Variants in TMTC2 observed in about 807,000 individuals in gnomAD.
The protein encoded by TMTC2 is protein O-mannosyl-transferase TMTC2.
TMTC2 carries 43 observed loss-of-function variants against 82.4 expected under a neutral mutation model. That is an observed-to-expected ratio of 0.52 (90% CI 0.41 to 0.67). TMTC2 has a LOEUF of 0.67. Ranked by LOEUF, TMTC2 falls within the 30% of genes least tolerant of loss-of-function variation. The pLI is 0.00. For missense variants in TMTC2, 919 were observed against 1,012.4 expected (o/e 0.91, Z 1.25); for synonymous variants, 408 against 381.9 (o/e 1.07, Z -0.80).
chr12:82,968,331 C>T (rs903550700), intron 7 of TMTC2, among the ~76,000 whole-genome samples: 2 of 152,074 alleles, frequency 1.3e-5, no homozygotes, highest in Non-Finnish European at 2.9e-5. Context: ...TATTATTCAG[C>T]ATTTCACCAT....
chr12:82,717,959 T>G (rs1226587432), intron 1 of TMTC2, among the ~76,000 whole-genome samples: 2 of 152,210 alleles, frequency 1.3e-5, no homozygotes, highest in Non-Finnish European at 2.9e-5. Context: ...ACAGTGGTCT[T>G]ATATCCATGA....
At chr12:82,942,719 G>A (rs1459081896) in intron 4 of TMTC2, among the ~76,000 whole-genome samples, 1 of 152,126 alleles carries the variant, frequency 6.6e-6, no homozygotes, top group Non-Finnish European at 1.5e-5. Context: ...CAAGATGCCA[G>A]ACATGGATTA....
chr12:82,864,396 C>G (rs907192593), intron 2 of TMTC2, among the ~76,000 whole-genome samples: 1 of 151,712 alleles, frequency 6.6e-6, no homozygotes, highest in Non-Finnish European at 1.5e-5. Flanking sequence ...CCATCTGTCT[C>G]CTAAATCTGA....
At chr12:82,828,139 C>T (rs974475133) in intron 1 of TMTC2, among the ~76,000 whole-genome samples, 3 of 151,592 alleles carry the variant, frequency 2.0e-5, no homozygotes, top group Non-Finnish European at 4.4e-5. Context: ...GTGATCCACC[C>T]GCCTTGGCCT....
chr12:83,019,239 G>A (rs749612043), intron 8 of TMTC2, among the ~76,000 whole-genome samples: 3 of 151,838 alleles, frequency 2.0e-5, no homozygotes, highest in Non-Finnish European at 4.4e-5. Flanking sequence ...CCCTCATTGT[G>A]TCTCCTCTCC....
chr12:82,693,276 A>T (rs187294199), intron 1 of TMTC2, among the ~76,000 whole-genome samples: 1 of 152,324 alleles, frequency 6.6e-6, no homozygotes, highest in East Asian at 1.9e-4. Flanking sequence ...CATATTTAAA[A>T]ACTTTCATTG....
At chr12:83,042,283 G>T (rs1881924206) in intron 9 of TMTC2, among the ~76,000 whole-genome samples, 1 of 152,124 alleles carries the variant, frequency 6.6e-6, no homozygotes, top group Admixed American at 6.5e-5. Context: ...TAGTTACTCA[G>T]AAAATGTGTT....
intron 3 of TMTC2, among the ~76,000 whole-genome samples, chr12:82,910,826 C>A (rs904986354): frequency 6.6e-6 from 1 of 152,034 alleles, no homozygotes; most frequent in Non-Finnish European, 1.5e-5. Flanking sequence ...TCTTGCCATC[C>A]AGCAGCAGCT....
intron 1 of TMTC2, among the ~76,000 whole-genome samples, chr12:82,745,886 A>C (rs962925229): frequency 4.6e-5 from 7 of 152,218 alleles, no homozygotes; most frequent in Non-Finnish European, 8.8e-5. Context: ...TTCAAGAAGT[A>C]CTGCAAAATG....
intron 3 of TMTC2, among the ~76,000 whole-genome samples, chr12:82,911,348 C>G (rs1442196455): frequency 6.6e-6 from 1 of 150,420 alleles, no homozygotes; most frequent in South Asian, 2.1e-4. Context: ...CCCCCACCCC[C>G]GCCCACCTCC....
intron 11 of TMTC2, among the ~76,000 whole-genome samples, chr12:83,078,487 A>G (rs1274774695): frequency 9.2e-5 from 14 of 152,182 alleles, no homozygotes. Flanking sequence ...GACATCATCA[A>G]GAGGGAAAAA....
intron 1 of TMTC2, among the ~76,000 whole-genome samples, chr12:82,692,779 T>C (rs1208719044): frequency 6.6e-6 from 1 of 152,202 alleles, no homozygotes; most frequent in East Asian, 1.9e-4. Context: ...TAAAGACCTC[T>C]CCTCTATAAA....
At chr12:82,724,136 G>A (rs1040608073) in intron 1 of TMTC2, among the ~76,000 whole-genome samples, 1 of 152,138 alleles carries the variant, frequency 6.6e-6, no homozygotes, top group Non-Finnish European at 1.5e-5. Flanking sequence ...TTGAGCATAG[G>A]GCATTGAGAC....
intron 11 of TMTC2, among the ~76,000 whole-genome samples, chr12:83,099,067 G>A (rs374397176): frequency 1.8e-4 from 28 of 152,188 alleles, no homozygotes; most frequent in African/African-American, 6.7e-4. Context: ...TTCTATTGCT[G>A]GGAAATAATG....
chr12:83,073,267 C>T (rs1374664488), intron 11 of TMTC2, among the ~76,000 whole-genome samples: 1 of 152,054 alleles, frequency 6.6e-6, no homozygotes, highest in African/African-American at 2.4e-5. Context: ...AAATTCTTGG[C>T]TGATAATTGT....
At chr12:83,019,853 G>T (rs1200507974) in intron 8 of TMTC2, among the ~76,000 whole-genome samples, 4 of 152,036 alleles carry the variant, frequency 2.6e-5, no homozygotes, top group Non-Finnish European at 4.4e-5. Flanking sequence ...TCATAAAACA[G>T]CGGCTAGCAT....
At chr12:83,121,879 T>C (rs1351463396) in intron 11 of TMTC2, among the ~76,000 whole-genome samples, 3 of 152,112 alleles carry the variant, frequency 2.0e-5, no homozygotes, top group Non-Finnish European at 4.4e-5. Flanking sequence ...AGTTATGTTC[T>C]TAGGAGGATT....
rs142883643 is a variant in TMTC2, at chr12:82,978,816, C to G, written c.1949-7109C>G. Among the ~76,000 whole-genome samples the G allele has an allele frequency of 2.0e-5, 3 of 151,846 alleles. No homozygotes were observed. The East Asian group carries it at 5.8e-4, about 29-fold the overall frequency. On this transcript the variant is annotated intron_variant, in intron 7 of 11. Transcript: ENST00000321196. Reference sequence around the variant, plus strand: ...CCTTCAGCTATTATTGTATTGGGGTCTATCTCTCTAGCCCTAATAATACTT... The same window carrying G: ...CCTTCAGCTATTATTGTATTGGGGTGTATCTCTCTAGCCCTAATAATACTT...
chr12:82,977,093 G>A (rs991120850), intron 7 of TMTC2, among the ~76,000 whole-genome samples: 1 of 151,924 alleles, frequency 6.6e-6, no homozygotes, highest in East Asian at 1.9e-4. Flanking sequence ...GCTAGGTTCC[G>A]TAAGTACATA....
Sources: gnomAD v4.1 joint callset for allele counts (sites outside exome capture counted in the v4.1 genomes callset) on GRCh38, gnomAD v4.1.1 for gene constraint, MANE v1.5 for transcripts, NCBI Gene and HGNC (gene_info 2026-07-23, HGNC 2026-07-21) for gene names.